The following QTRT1 variants were observed in gnomAD, a reference collection of about 807,000 sequenced individuals.
The protein encoded by QTRT1 is TGT, 43-KD subunit.
Under a neutral mutation model 44.0 loss-of-function variants are expected in QTRT1, and 41 were observed. The observed-to-expected ratio is 0.93, with a 90% CI of 0.73 to 1.21. The LOEUF is 1.21. Among genes scored for constraint, QTRT1 ranks in the 50% most tolerant of loss-of-function variants. The probability of loss-of-function intolerance (pLI) is 0.00; values close to 1 mark genes in which losing one functional copy is unlikely to be tolerated. For synonymous variants in QTRT1, 226 were observed against 237.1 expected (o/e 0.95, Z 0.43); for missense variants, 542 against 575.8 (o/e 0.94, Z 0.60).
Position 10,712,177 on chromosome 19 carries a change from C to A in QTRT1, c.663C>A (p.Asp221Glu). 6.2e-7 allele frequency: 1 copy of A among 1,613,216 alleles called. No individual in the cohort carries two copies. Among genetic ancestry groups the A allele is most frequent in the South Asian group, 1.1e-5 (1 of 91,028 alleles). The change falls in exon 6 of 10, where the codon GAC (aspartate) becomes GAA (glutamate). Residue 221 changes from aspartate to glutamate, a missense_variant. Asp to Glu is a conservative substitution (Grantham distance 45). Transcript: ENST00000250237. The surrounding 1 kb of genome is among the most constrained non-coding windows in gnomAD (Gnocchi z 5.6). Reference sequence around the variant, plus strand: ...TACCCTCAGAGATGACCAAGCGAGACGTGCCTGGCTTCGCCATCGGGGGCC... The same window carrying A: ...TACCCTCAGAGATGACCAAGCGAGAAGTGCCTGGCTTCGCCATCGGGGGCC... ...ATCLEEMTKR[D>E]VPGFAIGGLS...
At position 10,707,565 on chromosome 19, in the gene QTRT1, C is replaced by T. The variant is rs2068719901; in HGVS notation, c.596C>T (p.Ala199Val). 1.2e-6 allele frequency: 2 copies of T among 1,612,646 alleles called. No homozygotes were observed. The highest frequency in any genetic ancestry group is 1.1e-5 in the South Asian group (1 of 91,020). ...HQRPDKQNLFAIIQGGLDADL... is the reference protein window; with the variant it reads ...HQRPDKQNLFVIIQGGLDADL... ...CGGCCGGACAAGCAGAACCTCTTCG[C>T]CATTATCCAGGGTGGGCTGGACGCA... Residue 199 changes from alanine to valine, a missense_variant, in exon 5 of 10, where the codon GCC becomes GTC. Ala to Val is a moderately conservative substitution (Grantham distance 64, BLOSUM62 0). Coordinates refer to ENST00000250237, the MANE Select transcript of QTRT1 (RefSeq NM_031209.3).
intron 3 of QTRT1, chr19:10,706,714 GCT>G (rs2068715360): frequency 7.3e-6 from 1 of 136,174 alleles, no homozygotes; most frequent in Admixed American, 8.2e-5. Context: ...ACACAGCCTT[GCT>G]CTGTCATCCA....
intron 3 of QTRT1, among the ~76,000 whole-genome samples, chr19:10,704,488 G>C (rs2068703650): frequency 1.3e-5 from 2 of 151,564 alleles, no homozygotes; most frequent in African/African-American, 4.8e-5. Flanking sequence ...TAGAGACGGG[G>C]TTTCATCGTG....
At chr19:10,705,959 C>T (rs2145620503) in intron 3 of QTRT1, among the ~76,000 whole-genome samples, 1 of 147,332 alleles carries the variant, frequency 6.8e-6, no homozygotes, top group Admixed American at 6.9e-5. Flanking sequence ...GGGTGCACAC[C>T]ATTCTCCTGC....
intron 3 of QTRT1, chr19:10,706,945 A>G (rs576653354): frequency 1.2e-5 from 3 of 260,166 alleles, no homozygotes; most frequent in Admixed American, 9.9e-5. Flanking sequence ...GGCGTCCCCA[A>G]GTGCTGGGAT....
At chr19:10,706,476 G>T (rs940466401) in intron 3 of QTRT1, among the ~76,000 whole-genome samples, 1 of 151,768 alleles carries the variant, frequency 6.6e-6, no homozygotes, top group African/African-American at 2.4e-5. Flanking sequence ...GGGTTCAAGC[G>T]ATTCTCCTGC....
chr19:10,707,542 G>A lies in QTRT1; in HGVS notation c.573G>A (p.Arg191=), dbSNP rs369934212. The A allele has an allele frequency of 7.3e-5, 117 of 1,612,980 alleles. 1 individual carries two copies. Among genetic ancestry groups the A allele is most frequent in the Non-Finnish European group, 8.7e-5 (103 of 1,179,560 alleles). Residue 191 remains arginine (R), a synonymous_variant, in exon 5 of 10, where the codon CGG becomes CGA. Coordinates refer to ENST00000250237, the MANE Select transcript of QTRT1 (RefSeq NM_031209.3). ...WLDRCIAAHQ[R]PDKQNLFAII... is the part of the protein sequence containing the mutation. ...ACCGGTGCATTGCAGCCCATCAGCG[G>A]CCGGACAAGCAGAACCTCTTCGCCA...
intron 3 of QTRT1, among the ~76,000 whole-genome samples, chr19:10,705,265 G>T (rs2068708147): frequency 6.9e-6 from 1 of 145,014 alleles, no homozygotes; most frequent in Non-Finnish European, 1.5e-5. Flanking sequence ...TTGAGAAGGA[G>T]TCTCACTCTT....
chr19:10,705,229 TC>T (rs942134977), intron 3 of QTRT1, among the ~76,000 whole-genome samples: 3 of 138,972 alleles, frequency 2.2e-5, no homozygotes, highest in East Asian at 2.2e-4. Context: ...ATTTATTTTT[TC>T]GTCTTTTCTT....
Position 10,712,087 on chromosome 19 carries a change from G to A in QTRT1, c.647-74G>A. On this transcript the variant is annotated intron_variant, in intron 5 of 9. Coordinates refer to ENST00000250237, the MANE Select transcript of QTRT1 (RefSeq NM_031209.3). This position sits in a 1 kb window ranked among gnomAD's most constrained non-coding sequence, Gnocchi z 5.6. Reference sequence around the variant, plus strand: ...TCCCTGAGCGACTCTGGAAGTCTGGGCAGGGTGTGTTCTGGGATTGAAGAC... The same window carrying A: ...TCCCTGAGCGACTCTGGAAGTCTGGACAGGGTGTGTTCTGGGATTGAAGAC... The A allele has an allele frequency of 2.5e-6, 4 of 1,585,456 alleles. No individual in the cohort carries two copies. The highest frequency in any genetic ancestry group is 3.4e-6 in the Non-Finnish European group (4 of 1,163,148).
Position 10,712,929 on chromosome 19 carries a change from G to A in QTRT1, c.972-24G>A. On this transcript the variant is annotated intron_variant, in intron 8 of 9. Transcript: ENST00000250237. The surrounding 1 kb of genome is among the most constrained non-coding windows in gnomAD (Gnocchi z 5.6). ...GGAGGGGACAGGGCCTGGCCGTGCT[G>A]AGCTGTCCCCTGCCGCTCTACAGGC... is the stretch of plus-strand genomic sequence containing the variant. 1 of 1,613,032 alleles carries A rather than the reference G, an allele frequency of 6.2e-7. No homozygotes were observed. Among genetic ancestry groups the A allele is most frequent in the Non-Finnish European group, 8.5e-7 (1 of 1,179,796 alleles).
intron 3 of QTRT1, 112 bp from the exon 4 acceptor site, chr19:10,707,190 A>C: frequency 9.5e-7 from 1 of 1,056,172 alleles, no homozygotes. Context: ...AGTTAGCAAG[A>C]CGGGGGATGG....
rs757990412 is a variant in QTRT1, at chr19:10,701,469, A to G, written c.9A>G (p.Gly3=). MA[G]AATQASLESA... is the part of the protein sequence containing the mutation. Reference sequence around the variant, plus strand: ...TGGTTCCGACAGTCAAGATGGCGGGAGCAGCTACCCAGGCTTCCCTGGAGT... The same window carrying G: ...TGGTTCCGACAGTCAAGATGGCGGGGGCAGCTACCCAGGCTTCCCTGGAGT... The change falls in exon 1 of 10, where the codon GGA becomes GGG. Residue 3 remains glycine, a synonymous_variant. Coordinates refer to ENST00000250237, the MANE Select transcript of QTRT1 (RefSeq NM_031209.3). 1 of 1,548,610 alleles carries G rather than the reference A, an allele frequency of 6.5e-7. No homozygotes were observed. Among genetic ancestry groups the G allele is most frequent in the African/African-American group, 1.4e-5 (1 of 73,664 alleles).
chr19:10,702,252 T>A lies in QTRT1; in HGVS notation c.449T>A (p.Leu150Gln). The A allele has an allele frequency of 6.2e-7, 1 of 1,613,768 alleles. No individual in the cohort carries two copies. The highest frequency in any genetic ancestry group is 8.5e-7 in the Non-Finnish European group (1 of 1,179,816). ...PEKSVQIQNA[L>Q]GSDIIMQLDD... ...AAATCCGTGCAGATCCAGAATGCGC[T>A]GGGTGAGAGGACCCTGGGGAGCCGC... The change falls in exon 3 of 10, where the codon CTG becomes CAG. Residue 150 changes from leucine (L) to glutamine (Q), a missense_variant and splice_region_variant. Transcript: ENST00000250237.
Position 10,712,439 on chromosome 19 carries a change from C to G in QTRT1, c.786-114C>G. 6.9e-7 allele frequency: 1 copy of G among 1,445,046 alleles called. No individual in the cohort carries two copies. The highest frequency in any genetic ancestry group is 1.2e-5 in the South Asian group (1 of 85,466). 89.5% of individuals were successfully genotyped at this position (1,445,046 alleles called of 1,614,324 possible). A position where few individuals can be genotyped will look rare whatever the true frequency, so the allele number is the denominator to read the frequency against. On this transcript the variant is annotated intron_variant, in intron 6 of 9. Transcript: ENST00000250237. The surrounding 1 kb of genome is among the most constrained non-coding windows in gnomAD (Gnocchi z 5.6). ...GGAGACTAGGAAGACATGGCTGTCC[C>G]TTGGGGGCCATTCTGAGGGAATATG...
At chr19:10,710,780 G>A (rs921557266) in intron 5 of QTRT1, among the ~76,000 whole-genome samples, 3 of 151,804 alleles carry the variant, frequency 2.0e-5, no homozygotes, top group Non-Finnish European at 1.5e-5. Context: ...AAAATTAGCC[G>A]GGCATGGTGG....
At chr19:10,702,396 A>G (rs2068694356) in intron 3 of QTRT1, 142 bp downstream of exon 3, 1 of 849,020 alleles carries the variant, frequency 1.2e-6, no homozygotes, top group East Asian at 2.7e-5. Context: ...AAGCGGGGGT[A>G]AATAGTAGCA....
chr19:10,708,051 G>A (rs141697105), intron 5 of QTRT1, among the ~76,000 whole-genome samples: 278 of 150,972 alleles, frequency 1.8e-3, no homozygotes, highest in Non-Finnish European at 3.0e-3. Flanking sequence ...TGCAACCTCC[G>A]CCTCCCGGGT....
Position 10,707,360 on chromosome 19 carries a change from T to C in QTRT1, c.510T>C (p.Arg170=), listed in dbSNP as rs1376889800. The change falls in exon 4 of 10, where the codon CGT becomes CGC. Residue 170 remains arginine (R), a synonymous_variant. Transcript: ENST00000250237. The part of the protein sequence containing the change: ...DVVSSTVTGP[R]VEEAMYRSIR... ...TTAGCAGTACTGTGACTGGGCCACGTGTGGAGGAGGCCATGTACAGGTGTG... is the reference window on the plus strand; with the variant it reads ...TTAGCAGTACTGTGACTGGGCCACGCGTGGAGGAGGCCATGTACAGGTGTG... 1 of 1,614,002 alleles carries C rather than the reference T, an allele frequency of 6.2e-7. No individual in the cohort carries two copies. The highest frequency in any genetic ancestry group is 8.5e-7 in the Non-Finnish European group (1 of 1,180,026).
Sources: gnomAD v4.1 joint callset for allele counts (sites outside exome capture counted in the v4.1 genomes callset) on GRCh38, gnomAD v4.1.1 for gene constraint, Gnocchi (gnomAD v3.1) non-coding constraint, MANE v1.5 for transcripts, NCBI Gene and HGNC (gene_info 2026-07-23, HGNC 2026-07-21) for gene names.